The following SLC25A12 variants were observed in gnomAD, a reference collection of about 807,000 sequenced individuals.
SLC25A12 encodes the protein solute carrier family 25 member 12, also known as electrogenic aspartate/glutamate antiporter SLC25A12, mitochondrial.
A neutral mutation model predicts 83.3 loss-of-function variants in SLC25A12; 32 were observed. That is an observed-to-expected ratio of 0.38 (90% CI 0.29 to 0.52). SLC25A12 has a LOEUF of 0.52. Among genes scored for constraint, SLC25A12 ranks in the 20% least tolerant of loss-of-function variants. The probability of loss-of-function intolerance (pLI) is 0.84; values close to 1 mark genes in which losing one functional copy is unlikely to be tolerated. For missense variants in SLC25A12, 611 were observed against 835.6 expected, an observed-to-expected ratio of 0.73 and a Z score of 3.31; for synonymous variants, 267 against 291.1, an observed-to-expected ratio of 0.92 and a Z score of 0.84.
At chr2:171,809,741 C>A in intron 12 of SLC25A12, 55 bp from the exon 13 acceptor site, 1 of 1,276,252 alleles carries the variant, frequency 7.8e-7, no homozygotes, top group South Asian at 1.2e-5. Context: ...TCTCTTCTGG[C>A]ATACTGTTGC....
At chr2:171,821,649 C>T (rs1423384888) in intron 9 of SLC25A12, among the ~76,000 whole-genome samples, 1 of 152,082 alleles carries the variant, frequency 6.6e-6, no homozygotes, top group Non-Finnish European at 1.5e-5. Context: ...GGTTTCTGTT[C>T]AGGTATTTAG....
intron 8 of SLC25A12, among the ~76,000 whole-genome samples, chr2:171,833,415 G>A (rs1005446494): frequency 6.6e-5 from 10 of 152,030 alleles, no homozygotes; most frequent in African/African-American, 2.4e-4. Flanking sequence ...TAACAGAGGA[G>A]AAGAAAGAAA....
chr2:171,884,043 A>G (rs931967036), intron 2 of SLC25A12, among the ~76,000 whole-genome samples: 9 of 136,082 alleles, frequency 6.6e-5, no homozygotes, highest in East Asian at 2.2e-4. Context: ...TTTCTTTTTT[A>G]TCTTTTTTTT....
chr2:171,843,956 C>T (rs977947499), intron 5 of SLC25A12, among the ~76,000 whole-genome samples: 4 of 152,002 alleles, frequency 2.6e-5, no homozygotes, highest in Non-Finnish European at 4.4e-5. Flanking sequence ...CCACCACACC[C>T]GGCTAATTTT....
chr2:171,883,340 A>C (rs138340751), intron 2 of SLC25A12, among the ~76,000 whole-genome samples: 1 of 152,214 alleles, frequency 6.6e-6, no homozygotes, highest in African/African-American at 2.4e-5. Flanking sequence ...ATGAGAAAAC[A>C]GGCTCCAAAA....
At chr2:171,824,464 T>A (rs894769575) in intron 9 of SLC25A12, among the ~76,000 whole-genome samples, 19 of 152,208 alleles carry the variant, frequency 1.2e-4, no homozygotes, top group Non-Finnish European at 1.5e-4. Context: ...TCAATGTTTT[T>A]AATAAGCTAA....
chr2:171,865,354 C>T (rs1037874324), intron 3 of SLC25A12, among the ~76,000 whole-genome samples: 1 of 152,084 alleles, frequency 6.6e-6, no homozygotes, highest in Non-Finnish European at 1.5e-5. Context: ...TTTAATTATA[C>T]AACTAGTATA....
intron 13 of SLC25A12, among the ~76,000 whole-genome samples, chr2:171,797,510 A>C (rs1043302709): frequency 1.3e-5 from 2 of 152,226 alleles, no homozygotes; most frequent in African/African-American, 4.8e-5. Context: ...ACTCTATTGT[A>C]CCTTTTAAAT....
intron 15 of SLC25A12, among the ~76,000 whole-genome samples, chr2:171,791,112 G>A (rs1683444120): frequency 6.6e-6 from 1 of 152,030 alleles, no homozygotes; most frequent in African/African-American, 2.4e-5. Flanking sequence ...CTGATTTGAG[G>A]AAAAACTTTC....
At chr2:171,848,337 T>C (rs1433649071) in intron 4 of SLC25A12, 7 of 465,620 alleles carry the variant, frequency 1.5e-5, no homozygotes, top group Non-Finnish European at 3.1e-5. Flanking sequence ...CCCAACGACA[T>C]CCTTATTCCA....
In SLC25A12 at chr2:171,871,643, G is replaced by C. The variant is rs531884017; in HGVS notation, c.67-2820C>G. 34 of 843,092 alleles carry C rather than the reference G, an allele frequency of 4.0e-5. No homozygotes were observed. The African/African-American group carries it at 5.1e-4, about 13-fold the overall frequency. 52.2% of individuals were successfully genotyped at this position (843,092 alleles called of 1,614,324 possible). On this transcript the variant is annotated intron_variant, in intron 2 of 17. Transcript: ENST00000422440. ...CCCTCACCTGTATCTTTGTAATAGCGACTTCCTAGTTTCCCTGTCCCAAGT... is the reference window on the plus strand; with the variant it reads ...CCCTCACCTGTATCTTTGTAATAGCCACTTCCTAGTTTCCCTGTCCCAAGT...
At chr2:171,792,600 T>C (rs1428197158) in intron 14 of SLC25A12, among the ~76,000 whole-genome samples, 4 of 151,236 alleles carry the variant, frequency 2.6e-5, no homozygotes, top group Non-Finnish European at 4.4e-5. Context: ...CTCCCAGCCC[T>C]GGCTTTTTTA....
At chr2:171,869,715 CCTT>C (rs1685417918) in intron 2 of SLC25A12, among the ~76,000 whole-genome samples, 1 of 152,300 alleles carries the variant, frequency 6.6e-6, no homozygotes, top group East Asian at 1.9e-4. Flanking sequence ...AAGCCCTTCT[CCTT>C]GAGTTGCATC....
At position 171,833,347 on chromosome 2, in the gene SLC25A12, G is replaced by C. The variant is rs137995515; in HGVS notation, c.845+616C>G. Among the ~76,000 whole-genome samples, 6 of 152,232 alleles carry C rather than the reference G, an allele frequency of 3.9e-5. No homozygotes were observed. In the East Asian group the frequency reaches 1.2e-3, roughly 29 times the overall value. On this transcript the variant is annotated intron_variant, in intron 8 of 17. Coordinates refer to ENST00000422440, the MANE Select transcript of SLC25A12 (RefSeq NM_003705.5). ...TCTCTCAGGGGGAAATGAGGCAGAA[G>C]AACAGTCTATTTGAATAGTTTAGAA...
At chr2:171,892,154 A>T (rs899009084) in intron 2 of SLC25A12, among the ~76,000 whole-genome samples, 1 of 152,220 alleles carries the variant, frequency 6.6e-6, no homozygotes, top group Non-Finnish European at 1.5e-5. Flanking sequence ...CCAGGTCCAG[A>T]ATAGAAAGTT....
rs770253025 is a variant in SLC25A12, at chr2:171,833,955, ATACT to A, written c.845+4_845+7del. On this transcript the variant is annotated splice_donor_5th_base_variant and intron_variant, in intron 8 of 17. Transcript: ENST00000422440. ...ATAAATATCATGAAGAATTATTGAA[ATACT>A]TACCCTGAAGCATTATATAAGTCTG... 6 of 1,460,718 alleles carry A rather than the reference ATACT, an allele frequency of 4.1e-6. No homozygotes were observed. The highest frequency in any genetic ancestry group is 4.8e-6 in the Non-Finnish European group (5 of 1,040,368). 90.5% of individuals were successfully genotyped at this position (1,460,718 alleles called of 1,614,324 possible). A position where few individuals can be genotyped will look rare whatever the true frequency, so the allele number is the denominator to read the frequency against.
At chr2:171,888,034 T>C (rs1206142115) in intron 2 of SLC25A12, among the ~76,000 whole-genome samples, 1 of 151,956 alleles carries the variant, frequency 6.6e-6, no homozygotes, top group African/African-American at 2.4e-5. Flanking sequence ...CCAATTCTCA[T>C]ACAATTTCAC....
At chr2:171,892,400 T>C (rs898931789) in intron 2 of SLC25A12, among the ~76,000 whole-genome samples, 6 of 152,134 alleles carry the variant, frequency 3.9e-5, no homozygotes, top group Admixed American at 6.6e-5. Flanking sequence ...TAATTTTTTG[T>C]ATTTTTAGTA....
intron 9 of SLC25A12, 67 bp from the exon 10 acceptor site, chr2:171,815,269 T>G (rs1684028638): frequency 2.7e-6 from 3 of 1,104,896 alleles, no homozygotes; most frequent in Non-Finnish European, 1.4e-6. Flanking sequence ...AAGCTACAAT[T>G]TGACTATTTT....
Sources: allele counts gnomAD v4.1 joint callset (sites outside exome capture counted in the v4.1 genomes callset), GRCh38; gene constraint gnomAD v4.1.1; transcripts MANE v1.5; gene names NCBI Gene and HGNC (gene_info 2026-07-23, HGNC 2026-07-21).